The following PCDH19 variants were observed in gnomAD, a reference collection of about 807,000 sequenced individuals.
The protein encoded by PCDH19 is protocadherin-19.
In PCDH19, 6 loss-of-function variants were observed where a neutral mutation model predicts 46.2. That is an observed-to-expected ratio of 0.13 (90% CI 0.07 to 0.26). The LOEUF is 0.26. Ranked by LOEUF, PCDH19 falls within the 10% of genes least tolerant of loss-of-function variation. The pLI is 1.00. For missense variants in PCDH19, 740 were observed against 972.3 expected (o/e 0.76, Z 3.18); for synonymous variants, 481 against 415.7 (o/e 1.16, Z -1.91).
Position 100,407,680 on chromosome X carries a change from G to A in PCDH19, c.918C>T (p.Tyr306=). The A allele has an allele frequency of 8.2e-7, 1 of 1,212,251 alleles. No individual in the cohort carries two copies. Among genetic ancestry groups the A allele is most frequent in the Non-Finnish European group, 1.1e-6 (1 of 895,587 alleles). ...GLVTVTGALD[Y]EEGHVYELDV... ...CCAGTTCGTACACGTGCCCCTCTTC[G>A]TAGTCTAAAGCGCCAGTGACAGTGA... The change falls in exon 1 of 6, where the codon TAC becomes TAT. Residue 306 remains tyrosine, a synonymous_variant. Transcript: ENST00000373034.
rs1331405390 is a variant in PCDH19 at position 100,408,648 on chromosome X, G to T, written c.-51C>A. 9.8e-7 allele frequency: 1 copy of T among 1,017,585 alleles called. No homozygotes were observed. Among genetic ancestry groups the T allele is most frequent in the Non-Finnish European group, 1.3e-6 (1 of 749,303 alleles). 83.9% of individuals were successfully genotyped at this position (1,017,585 alleles called of 1,213,427 possible). ...CGCCTCTCCACACCCCTCCGAGACC[G>T]ACGCCGTCGGCGCTCCAGCTTCCCG... On this transcript the variant is annotated 5_prime_UTR_variant, in exon 1 of 6. Transcript: ENST00000373034.
At chrX:100,400,192 G>C (rs1347496021) in intron 3 of PCDH19, among the ~76,000 whole-genome samples, 1 of 111,932 alleles carries the variant, frequency 8.9e-6, no homozygotes, top group African/African-American at 3.2e-5. Context: ...AATATGAGTA[G>C]TATGGCCATA....
chrX:100,385,865 G>C (rs1927699351), intron 3 of PCDH19, among the ~76,000 whole-genome samples: 1 of 110,959 alleles, frequency 9.0e-6, no homozygotes, highest in African/African-American at 3.3e-5. Flanking sequence ...CTGTACTCCA[G>C]CCTGGGTGAC....
chrX:100,303,929 A>T (rs1044082199), intron 5 of PCDH19, among the ~76,000 whole-genome samples: 1 of 112,587 alleles, frequency 8.9e-6, no homozygotes, highest in Non-Finnish European at 1.9e-5. Context: ...TACCTGACAG[A>T]TGCCAAAGAA....
chrX:100,297,294 C>A (rs1029444989), intron 5 of PCDH19, among the ~76,000 whole-genome samples: 1 of 111,116 alleles, frequency 9.0e-6, no homozygotes, highest in Admixed American at 9.5e-5. Context: ...ATTTAAGAAG[C>A]CTTGGCCATA....
In PCDH19 at chrX:100,409,636, G is replaced by A; in HGVS notation, c.-1039C>T. Reference sequence around the variant, plus strand: ...GGGAGGCAACAACAGTACCGGCCAGGAGAGGCGGGGCCGCCGCCGTGGGTA... The same window carrying A: ...GGGAGGCAACAACAGTACCGGCCAGAAGAGGCGGGGCCGCCGCCGTGGGTA... On this transcript the variant is annotated 5_prime_UTR_variant, in exon 1 of 6. Transcript: ENST00000373034. 5.2e-6 allele frequency: 1 copy of A among 192,069 alleles called. No homozygotes were observed. The highest frequency in any genetic ancestry group is 9.3e-6 in the Non-Finnish European group (1 of 107,080). The allele number at this position is 192,069 out of a possible 1,213,427, so 15.8% of individuals were successfully genotyped here. A position where few individuals can be genotyped will look rare whatever the true frequency, so the allele number is the denominator to read the frequency against.
At chrX:100,375,419 A>G (rs62601554) in intron 3 of PCDH19, among the ~76,000 whole-genome samples, 32,553 of 111,271 alleles carry the variant, frequency 0.29, 3,662 homozygotes, top group Non-Finnish European at 0.35. Flanking sequence ...TACAAAGGAC[A>G]TTAACTCATC....
At chrX:100,371,590 T>A (rs1927225790) in intron 3 of PCDH19, among the ~76,000 whole-genome samples, 1 of 111,208 alleles carries the variant, frequency 9.0e-6, no homozygotes, top group South Asian at 3.8e-4. Context: ...CCTATTTAAA[T>A]TTGCAAATTT....
intron 4 of PCDH19, among the ~76,000 whole-genome samples, chrX:100,346,849 A>G (rs973100692): frequency 9.3e-6 from 1 of 107,327 alleles, no homozygotes. Flanking sequence ...GCACTGTAGG[A>G]GTGGATATCA....
At chrX:100,357,364 A>G (rs1352357019) in intron 3 of PCDH19, among the ~76,000 whole-genome samples, 1 of 111,937 alleles carries the variant, frequency 8.9e-6, no homozygotes, top group African/African-American at 3.2e-5. Flanking sequence ...AAAAGGCAAG[A>G]AATCTCCCTA....
Position 100,293,448 on chromosome X carries a change from A to C in PCDH19, c.*2829T>G, listed in dbSNP as rs1401565717. The stretch of plus-strand genomic sequence containing the variant: ...ACATGTTTAGAGAACAAAAGGGAGA[A>C]TATTTGGCCCTGTGAACCTTGTAGC... On this transcript the variant is annotated 3_prime_UTR_variant, in exon 6 of 6. Coordinates refer to ENST00000373034, the MANE Select transcript of PCDH19 (RefSeq NM_001184880.2). The C allele has an allele frequency of 9.6e-6, 1 of 103,886 alleles. No individual in the cohort carries two copies. The highest frequency in any genetic ancestry group is 1.1e-4 in the Admixed American group (1 of 9,503). 8.6% of individuals were successfully genotyped at this position (103,886 alleles called of 1,213,427 possible).
rs1297347393 is a variant in PCDH19, at chrX:100,408,742, G to A, written c.-145C>T. On this transcript the variant is annotated 5_prime_UTR_variant, in exon 1 of 6. Coordinates refer to ENST00000373034, the MANE Select transcript of PCDH19 (RefSeq NM_001184880.2). Reference sequence around the variant, plus strand: ...CCGCGGGAGAAGTCCCGCCCAGGGCGGCCCGGCGGCGCGCGGGGGACACCC... The same window carrying A: ...CCGCGGGAGAAGTCCCGCCCAGGGCAGCCCGGCGGCGCGCGGGGGACACCC... The A allele has an allele frequency of 1.2e-5, 4 of 329,927 alleles. No homozygotes were observed. The highest frequency in any genetic ancestry group is 8.4e-5 in the African/African-American group (3 of 35,566). The allele number at this position is 329,927 out of a possible 1,213,427, so 27.2% of individuals were successfully genotyped here. A position where few individuals can be genotyped will look rare whatever the true frequency, so the allele number is the denominator to read the frequency against.
chrX:100,301,903 A>G (rs1157989500), intron 5 of PCDH19, among the ~76,000 whole-genome samples: 3 of 112,432 alleles, frequency 2.7e-5, no homozygotes, highest in African/African-American at 9.7e-5. Context: ...GTGCTCAGCT[A>G]AAAGAAACTA....
intron 3 of PCDH19, among the ~76,000 whole-genome samples, chrX:100,395,224 A>T (rs2147527254): frequency 8.9e-6 from 1 of 112,440 alleles, no homozygotes; most frequent in East Asian, 2.8e-4. Context: ...ATATGTGAAA[A>T]TCCAGACTTA....
chrX:100,317,417 A>G (rs2147463519), intron 5 of PCDH19, among the ~76,000 whole-genome samples: 1 of 111,406 alleles, frequency 9.0e-6, no homozygotes. Context: ...TGGGAAAGAG[A>G]ATGAATGCTC....
chrX:100,409,656 T>C lies in PCDH19; in HGVS notation c.-1059A>G, dbSNP rs1254597839. On this transcript the variant is annotated 5_prime_UTR_variant, in exon 1 of 6. Transcript: ENST00000373034. Reference sequence around the variant, plus strand: ...GCCAGGAGAGGCGGGGCCGCCGCCGTGGGTACCGGGTGCTTCTCTTCTCTC... The same window carrying C: ...GCCAGGAGAGGCGGGGCCGCCGCCGCGGGTACCGGGTGCTTCTCTTCTCTC... The C allele has an allele frequency of 4.7e-5, 9 of 192,850 alleles. No individual in the cohort carries two copies. The highest frequency in any genetic ancestry group is 6.4e-5 in the Non-Finnish European group (7 of 108,753). 15.9% of individuals were successfully genotyped at this position (192,850 alleles called of 1,213,427 possible).
intron 3 of PCDH19, among the ~76,000 whole-genome samples, chrX:100,359,398 C>A (rs1262937061): frequency 8.9e-6 from 1 of 112,161 alleles, no homozygotes; most frequent in African/African-American, 3.2e-5. Context: ...ACTCACAGAG[C>A]CCAAGGGATC....
At chrX:100,400,666 T>A in intron 3 of PCDH19, among the ~76,000 whole-genome samples, 1 of 112,178 alleles carries the variant, frequency 8.9e-6, no homozygotes, top group Non-Finnish European at 1.9e-5. Flanking sequence ...ATTTATAGAG[T>A]TATAAATTGA....
intron 5 of PCDH19, among the ~76,000 whole-genome samples, chrX:100,331,589 G>A (rs896126980): frequency 1.4e-4 from 16 of 111,938 alleles, no homozygotes; most frequent in Non-Finnish European, 2.4e-4. Flanking sequence ...ATCTCAAACT[G>A]TAATCCCCAT....
Sources: allele counts gnomAD v4.1 joint callset (sites outside exome capture counted in the v4.1 genomes callset), GRCh38; gene constraint gnomAD v4.1.1; transcripts MANE v1.5; gene names NCBI Gene and HGNC (gene_info 2026-07-23, HGNC 2026-07-21).